Variants in MYO9A observed in about 807,000 individuals in gnomAD.
The protein encoded by MYO9A is unconventional myosin-IXa.
MYO9A carries 103 observed loss-of-function variants against 293.3 expected under a neutral mutation model. The ratio of observed to expected loss-of-function variants is 0.35; its 90% CI spans 0.30 to 0.41. The LOEUF is 0.41. Ranked by LOEUF, MYO9A falls within the 10% of genes least tolerant of loss-of-function variation. MYO9A has a pLI of 1.00. For synonymous variants in MYO9A, 1,001 were observed against 1,035.7 expected (o/e 0.97, Z 0.64); for missense variants, 2,685 against 3,033.0 (o/e 0.89, Z 2.69).
At chr15:72,074,977 T>G (rs1206472773) in intron 1 of MYO9A, among the ~76,000 whole-genome samples, 2 of 143,022 alleles carry the variant, frequency 1.4e-5, no homozygotes, top group Admixed American at 1.4e-4. Context: ...TTTTTTTTTT[T>G]TCTTGAGACA....
In MYO9A at chr15:71,883,586, A is replaced by T. The variant is rs2056936940; in HGVS notation, c.5398+8T>A. Reference sequence around the variant, plus strand: ...TGAACACAAGTTCCACCCTTTGGTCACTTTTACCATCTGGAAACTGATGAG... The same window carrying T: ...TGAACACAAGTTCCACCCTTTGGTCTCTTTTACCATCTGGAAACTGATGAG... On this transcript the variant is annotated splice_region_variant and intron_variant, in intron 28 of 41. Transcript: ENST00000356056. 2 of 1,601,296 alleles carry T rather than the reference A, an allele frequency of 1.2e-6. No individual in the cohort carries two copies. Among genetic ancestry groups the T allele is most frequent in the African/African-American group, 2.7e-5 (2 of 74,114 alleles).
intron 12 of MYO9A, 130 bp downstream of exon 12, chr15:71,978,041 A>C: frequency 9.1e-7 from 1 of 1,098,840 alleles, no homozygotes; most frequent in Non-Finnish European, 1.3e-6. Context: ...CGTCTCAAAA[A>C]TAAATAAAAA....
chr15:72,091,293 A>C (rs528426124), intron 1 of MYO9A, among the ~76,000 whole-genome samples: 1 of 152,060 alleles, frequency 6.6e-6, no homozygotes, highest in South Asian at 2.1e-4. Flanking sequence ...AAAATTCACC[A>C]TTTCTTTTTC....
chr15:72,107,097 G>A (rs1368096705), intron 1 of MYO9A, among the ~76,000 whole-genome samples: 1 of 152,164 alleles, frequency 6.6e-6, no homozygotes, highest in African/African-American at 2.4e-5. Context: ...AAAGGAGGAG[G>A]AGGAAGAAGA....
At chr15:72,100,170 G>A (rs527900687) in intron 1 of MYO9A, among the ~76,000 whole-genome samples, 2 of 152,228 alleles carry the variant, frequency 1.3e-5, no homozygotes, top group African/African-American at 2.4e-5. Flanking sequence ...ATCACCTGAC[G>A]TCCGGAGTTC....
At chr15:72,100,683 C>G (rs2080251737) in intron 1 of MYO9A, among the ~76,000 whole-genome samples, 1 of 151,572 alleles carries the variant, frequency 6.6e-6, no homozygotes. Context: ...GCATCTCTGC[C>G]CCGCCGCCCC....
At chr15:72,087,637 CCT>C (rs982397349) in intron 1 of MYO9A, among the ~76,000 whole-genome samples, 3 of 152,140 alleles carry the variant, frequency 2.0e-5, no homozygotes, top group African/African-American at 7.2e-5. Flanking sequence ...CTGTGTCTTC[CCT>C]CTGTCTACTC....
intron 13 of MYO9A, among the ~76,000 whole-genome samples, chr15:71,963,809 A>C (rs1204213989): frequency 6.6e-6 from 1 of 152,184 alleles, no homozygotes; most frequent in Non-Finnish European, 1.5e-5. Context: ...ATTTCTTGAG[A>C]TCCATTAACA....
At chr15:71,962,108 T>C (rs1268621127) in intron 13 of MYO9A, among the ~76,000 whole-genome samples, 2 of 152,024 alleles carry the variant, frequency 1.3e-5, no homozygotes, top group East Asian at 3.9e-4. Flanking sequence ...TTGGAGGAGC[T>C]AGAACATAAG....
intron 40 of MYO9A, among the ~76,000 whole-genome samples, chr15:71,829,444 C>T (rs914827990): frequency 8.6e-5 from 13 of 151,988 alleles, no homozygotes; most frequent in African/African-American, 3.1e-4. Context: ...AACCATGGCA[C>T]GTTCATATTA....
At chr15:71,866,031 CTA>C (rs1437452031) in intron 32 of MYO9A, among the ~76,000 whole-genome samples, 2 of 152,176 alleles carry the variant, frequency 1.3e-5, no homozygotes, top group Admixed American at 6.5e-5. Context: ...TTTTCTTAAA[CTA>C]TGAGTGTGTG....
chr15:72,029,610 A>C (rs184488459), intron 3 of MYO9A, among the ~76,000 whole-genome samples: 2 of 152,360 alleles, frequency 1.3e-5, no homozygotes, highest in East Asian at 1.9e-4. Context: ...GTATGACTAG[A>C]GAATGATATA....
Position 71,951,785 on chromosome 15 carries a change from T to A in MYO9A, c.2294A>T (p.Glu765Val). The A allele has an allele frequency of 1.2e-6, 2 of 1,613,908 alleles. No individual in the cohort carries two copies. Among genetic ancestry groups the A allele is most frequent in the Non-Finnish European group, 1.7e-6 (2 of 1,179,910 alleles). ...AGGATTTGTAGCCTTACTGTACTTC[T>A]CTTCCTTGCATCTCTGCAGAATCTC... is the stretch of plus-strand genomic sequence containing the variant. Reference protein sequence around the residue: ...SLEILQRCKEEKYSITRKNPR... With the variant: ...SLEILQRCKEVKYSITRKNPR... Residue 765 changes from glutamate (E) to valine (V), a missense_variant, in exon 15 of 42, where the codon GAG becomes GTG. Physicochemically the swap from Glu to Val is moderately radical, Grantham distance 121. This residue lies in a region of MYO9A where 1,434 missense variants were observed against 1,497.7 expected (regional missense o/e 0.96). Coordinates refer to ENST00000356056, the MANE Select transcript of MYO9A (RefSeq NM_006901.4).
At chr15:71,894,863 CAT>C (rs2057278988) in intron 25 of MYO9A, among the ~76,000 whole-genome samples, 1 of 152,148 alleles carries the variant, frequency 6.6e-6, no homozygotes, top group South Asian at 2.1e-4. Context: ...TCATCAACAA[CAT>C]ATTGATAATC....
At chr15:71,890,708 A>T (rs1007426950) in intron 26 of MYO9A, 1 of 152,206 alleles carries the variant, frequency 6.6e-6, no homozygotes, top group African/African-American at 2.4e-5. Flanking sequence ...ACAGCAGGTA[A>T]CAACTGATTA....
At chr15:72,072,072 C>CA (rs34367978) in intron 1 of MYO9A, among the ~76,000 whole-genome samples, 10,712 of 66,776 alleles carry the variant, frequency 0.16, 1,093 homozygotes, top group East Asian at 0.59. Context: ...GAGCCCATGT[C>CA]AAAAAAAAAA....
chr15:72,095,749 T>C lies in MYO9A; in HGVS notation c.-72+21931A>G, dbSNP rs1340969360. Among the ~76,000 whole-genome samples, 3 of 88,990 alleles carry C rather than the reference T, an allele frequency of 3.4e-5. 1 individual carries two copies. Among genetic ancestry groups the C allele is most frequent in the East Asian group, 4.8e-4 (2 of 4,150 alleles). The allele number at this position is 88,990 out of a possible 152,430, so 58.4% of individuals were successfully genotyped here. Reference sequence around the variant, plus strand: ...ATGACTAAGCTGAAACCAATGCTCATTGACCATTCTGAAAATCCTAGGGCT... The same window carrying C: ...ATGACTAAGCTGAAACCAATGCTCACTGACCATTCTGAAAATCCTAGGGCT... On this transcript the variant is annotated intron_variant, in intron 1 of 41. Coordinates refer to ENST00000356056, the MANE Select transcript of MYO9A (RefSeq NM_006901.4).
intron 6 of MYO9A, among the ~76,000 whole-genome samples, chr15:72,016,901 C>G (rs1308918259): frequency 3.3e-5 from 5 of 149,784 alleles, no homozygotes; most frequent in African/African-American, 1.2e-4. Flanking sequence ...ACATGCACAA[C>G]TTTAAGACTC....
At chr15:71,996,220 C>T (rs1294556824) in intron 9 of MYO9A, among the ~76,000 whole-genome samples, 1 of 151,966 alleles carries the variant, frequency 6.6e-6, no homozygotes, top group Non-Finnish European at 1.5e-5. Flanking sequence ...AAAACTAAAT[C>T]AACAAATATA....
Sources: allele counts gnomAD v4.1 joint callset (sites outside exome capture counted in the v4.1 genomes callset), GRCh38; gene constraint gnomAD v4.1.1; regional missense constraint gnomAD v4.1.1; transcripts MANE v1.5; gene names NCBI Gene and HGNC (gene_info 2026-07-23, HGNC 2026-07-21).